Variants in MAP7D3 observed in about 807,000 individuals in gnomAD.
The protein encoded by MAP7D3 is MAP7 domain-containing protein 3.
A neutral mutation model predicts 62.2 loss-of-function variants in MAP7D3; 45 were observed. The ratio of observed to expected loss-of-function variants is 0.72; its 90% CI spans 0.57 to 0.93. The LOEUF (loss-of-function observed/expected upper bound fraction) is 0.93, where lower values mean the gene tolerates loss of function less well. MAP7D3 is among the 40% of genes least tolerant of loss of function. The probability of loss-of-function intolerance (pLI) is 0.00; values close to 1 mark genes in which losing one functional copy is unlikely to be tolerated. For synonymous variants in MAP7D3, 288 were observed against 248.8 expected (o/e 1.16, Z -1.48); for missense variants, 711 against 683.1 (o/e 1.04, Z -0.45).
At chrX:136,247,590 ATTTTTT>A (rs35551706) in intron 1 of MAP7D3, among the ~76,000 whole-genome samples, 1 of 94,315 alleles carries the variant, frequency 1.1e-5, no homozygotes, top group Non-Finnish European at 2.1e-5. Context: ...AAGGATCACC[ATTTTTT>A]TTTTTTTTTT....
intron 11 of MAP7D3, among the ~76,000 whole-genome samples, chrX:136,228,174 T>C (rs2074220744): frequency 8.9e-6 from 1 of 112,074 alleles, no homozygotes; most frequent in African/African-American, 3.2e-5. Flanking sequence ...CTCACTGGCC[T>C]GATGAGACAC....
intron 12 of MAP7D3, among the ~76,000 whole-genome samples, chrX:136,226,792 A>C (rs148852132): frequency 3.8e-4 from 43 of 112,161 alleles, no homozygotes; most frequent in African/African-American, 1.4e-3. Context: ...GGTGGCTGAC[A>C]ATGACCTGCA....
chrX:136,240,208 CAA>C (rs34003803), intron 6 of MAP7D3, among the ~76,000 whole-genome samples, 172 bp downstream of exon 6: 68 of 67,365 alleles, frequency 1.0e-3, no homozygotes, highest in South Asian at 1.6e-3. Flanking sequence ...GACTCTGTCT[CAA>C]AAAAAAAAAA....
At chrX:136,241,416 T>C (rs2074388266) in intron 4 of MAP7D3, 139 bp from the exon 5 acceptor site, 2 of 357,463 alleles carry the variant, frequency 5.6e-6, no homozygotes, top group Admixed American at 5.4e-5. Flanking sequence ...GTCTCAGCTA[T>C]CAATCAATAC....
intron 14 of MAP7D3, 120 bp downstream of exon 14, chrX:136,224,707 A>G: frequency 4.5e-6 from 2 of 448,597 alleles, no homozygotes; most frequent in Non-Finnish European, 7.6e-6. Context: ...GTTGATAATC[A>G]GGGAAATGCA....
chrX:136,244,944 A>G (rs765853202), intron 3 of MAP7D3, 149 bp from the exon 4 acceptor site: 16 of 442,076 alleles, frequency 3.6e-5, no homozygotes, highest in African/African-American at 7.4e-5. Flanking sequence ...GATTTATTAT[A>G]AAAGTGAACA....
downstream of MAP7D3, chrX:136,214,806 G>A (rs1192406539): frequency 1.8e-5 from 2 of 112,464 alleles, no homozygotes; most frequent in Non-Finnish European, 1.9e-5. Context: ...AGAGGCCAGG[G>A]GTCTGTCCCT....
rs1451901610 is a variant in MAP7D3, at chrX:136,217,772, G to T, written c.*754C>A. ...CTGGTACACAGAAAAAGCATTACTT[G>T]GCTGGGTGCAGTGGCTCACACCTGT... On this transcript the variant is annotated 3_prime_UTR_variant, in exon 19 of 19. Transcript: ENST00000316077. The T allele has an allele frequency of 8.9e-6, 1 of 111,837 alleles. No homozygotes were observed. The highest frequency in any genetic ancestry group is 1.9e-5 in the Non-Finnish European group (1 of 53,132). 9.2% of individuals were successfully genotyped at this position (111,837 alleles called of 1,213,427 possible). A position where few individuals can be genotyped will look rare whatever the true frequency, so the allele number is the denominator to read the frequency against.
At chrX:136,237,215 C>T (rs887288684) in intron 6 of MAP7D3, among the ~76,000 whole-genome samples, 1 of 111,924 alleles carries the variant, frequency 8.9e-6, no homozygotes, top group Non-Finnish European at 1.9e-5. Flanking sequence ...ACAGTATCAT[C>T]GGAAAATTCC....
downstream of MAP7D3, among the ~76,000 whole-genome samples, chrX:136,216,262 T>C (rs1205093778): frequency 4.9e-5 from 5 of 102,295 alleles, no homozygotes; most frequent in African/African-American, 1.8e-4. Context: ...TGGTGGCTCA[T>C]GCCTGTAATC....
At chrX:136,242,355 C>A (rs2074399070) in intron 4 of MAP7D3, among the ~76,000 whole-genome samples, 1 of 111,587 alleles carries the variant, frequency 9.0e-6, no homozygotes. Context: ...TCTTCCAGGT[C>A]CCTTCTCACA....
chrX:136,224,460 T>C (rs2074170239), intron 14 of MAP7D3, among the ~76,000 whole-genome samples: 1 of 106,863 alleles, frequency 9.4e-6, no homozygotes, highest in Non-Finnish European at 1.9e-5. Context: ...TTATCCTGAT[T>C]TGATCATTAC....
In MAP7D3 at chrX:136,230,714, T is replaced by C. The variant is rs1337983138; in HGVS notation, c.1542-121A>G. 3 of 916,083 alleles carry C rather than the reference T, an allele frequency of 3.3e-6. No homozygotes were observed. The East Asian group carries it at 9.3e-5, about 28-fold the overall frequency. 75.5% of individuals were successfully genotyped at this position (916,083 alleles called of 1,213,427 possible). A position where few individuals can be genotyped will look rare whatever the true frequency, so the allele number is the denominator to read the frequency against. ...TTTTTCTGAAAAATAAATCCCTTTT[T>C]ACAGGCTTTTTTCCCTTTACATTTG... On this transcript the variant is annotated intron_variant, in intron 9 of 18. Transcript: ENST00000316077.
Position 136,236,265 on chromosome X carries a change from GTTCT to G in MAP7D3, c.711_714del (p.Lys237AsnfsTer16). On this transcript the variant is annotated frameshift_variant, in exon 7 of 19. Coordinates refer to ENST00000316077, the MANE Select transcript of MAP7D3 (RefSeq NM_024597.4). LOFTEE classifies it high-confidence loss of function. The stretch of plus-strand genomic sequence containing the variant: ...TAACCACGTGGCTTCCTTTCGGCTT[GTTCT>G]TTATCAGTAGACGAATGTAGGTTAC... 4.2e-6 allele frequency: 5 copies of G among 1,188,556 alleles called. No individual in the cohort carries two copies. Among genetic ancestry groups the G allele is most frequent in the Non-Finnish European group, 5.7e-6 (5 of 879,233 alleles).
In MAP7D3 at chrX:136,243,706, GA is replaced by G. The variant is rs1176946298; in HGVS notation, c.417+925del. 5.0e-3 allele frequency among the ~76,000 whole-genome samples: 488 copies of G among 96,846 alleles called. 3 individuals are homozygous for G. The highest frequency in any genetic ancestry group is 0.016 in the African/African-American group (422 of 26,706). The allele number at this position is 96,846 out of a possible 115,157, so 84.1% of individuals were successfully genotyped here. On this transcript the variant is annotated intron_variant, in intron 4 of 18. Coordinates refer to ENST00000316077, the MANE Select transcript of MAP7D3 (RefSeq NM_024597.4). ...CGACAGAGTGAGACTCTGTCTCAAA[GA>G]AAAAAAAAAAATCCCTGGAATAAAG...
chrX:136,251,425 CT>C, upstream of MAP7D3: 2 of 854,366 alleles, frequency 2.3e-6, no homozygotes, highest in Non-Finnish European at 2.9e-6. Context: ...GCGGCCTCCG[CT>C]TGGGTCGTGG....
intron 7 of MAP7D3, among the ~76,000 whole-genome samples, chrX:136,232,529 T>C (rs975926813): frequency 5.3e-5 from 6 of 112,519 alleles, no homozygotes; most frequent in African/African-American, 1.6e-4. Flanking sequence ...TTAATCATAC[T>C]ATATTTCAGA....
intron 1 of MAP7D3, among the ~76,000 whole-genome samples, chrX:136,250,482 G>A (rs1408389225): frequency 9.0e-6 from 1 of 110,848 alleles, no homozygotes; most frequent in African/African-American, 3.3e-5. Context: ...TTTGGCGATG[G>A]GACTAGTTGA....
Position 136,227,397 on chromosome X carries a change from C to A in MAP7D3, c.1921G>T (p.Ala641Ser). Reference protein sequence around the residue: ...IKKSKDMAKEAVGGQAEDHLK... With the variant: ...IKKSKDMAKESVGGQAEDHLK... The stretch of plus-strand genomic sequence containing the variant: ...TGGTCTTCTGCTTGGCCTCCAACTG[C>A]TTCCTTTGCCATGTCTTTTGATTTC... The change falls in exon 12 of 19, where the codon GCA becomes TCA. Residue 641 changes from alanine (A) to serine (S), a missense_variant. Physicochemically the swap from Ala to Ser is moderately conservative, Grantham distance 99. Coordinates refer to ENST00000316077, the MANE Select transcript of MAP7D3 (RefSeq NM_024597.4). 8.3e-7 allele frequency: 1 copy of A among 1,198,226 alleles called. No homozygotes were observed. Among genetic ancestry groups the A allele is most frequent in the Non-Finnish European group, 1.1e-6 (1 of 885,972 alleles).
Sources: gnomAD v4.1 joint callset for allele counts (sites outside exome capture counted in the v4.1 genomes callset) on GRCh38, gnomAD v4.1.1 for gene constraint, MANE v1.5 for transcripts, NCBI Gene and HGNC (gene_info 2026-07-23, HGNC 2026-07-21) for gene names.